Variants in D2HGDH observed in about 807,000 individuals in gnomAD.
D2HGDH encodes the protein D-2-hydroxyglutarate dehydrogenase, mitochondrial.
A neutral mutation model predicts 46.9 loss-of-function variants in D2HGDH; 31 were observed. That is an observed-to-expected ratio of 0.66 (90% CI 0.50 to 0.89). The LOEUF (loss-of-function observed/expected upper bound fraction) is 0.89. Ranked by LOEUF, D2HGDH falls within the 40% of genes least tolerant of loss-of-function variation. The pLI, the probability that D2HGDH is intolerant of heterozygous loss-of-function variation, is 0.00. For missense variants in D2HGDH, 698 were observed against 720.8 expected, an observed-to-expected ratio of 0.97 and a Z score of 0.36; for synonymous variants, 364 against 332.6, an observed-to-expected ratio of 1.09 and a Z score of -1.03.
intron 9 of D2HGDH, among the ~76,000 whole-genome samples, chr2:241,760,448 C>T (rs1484592153): frequency 2.1e-5 from 3 of 143,134 alleles, no homozygotes; most frequent in African/African-American, 5.2e-5. Flanking sequence ...GTGGGCCTTA[C>T]GCAATCAGTT....
chr2:241,735,123 C>A lies in D2HGDH; in HGVS notation c.-92-10C>A, dbSNP rs1013857054. On this transcript the variant is annotated splice_polypyrimidine_tract_variant and intron_variant, in intron 1 of 9. Coordinates refer to ENST00000321264, the MANE Select transcript of D2HGDH (RefSeq NM_152783.5). ...GCATAAAACATGAAATTACCCTTGG[C>A]CACTTCCAGGCGCGCAGCCAGCGGC... 1.4e-4 allele frequency: 183 copies of A among 1,263,836 alleles called. No homozygotes were observed. The highest frequency in any genetic ancestry group is 5.9e-4 in the Admixed American group (18 of 30,498). 78.3% of individuals were successfully genotyped at this position (1,263,836 alleles called of 1,614,324 possible). A position where few individuals can be genotyped will look rare whatever the true frequency, so the allele number is the denominator to read the frequency against.
At chr2:241,737,565 C>G (rs976536384) in intron 2 of D2HGDH, among the ~76,000 whole-genome samples, 1 of 152,206 alleles carries the variant, frequency 6.6e-6, no homozygotes, top group African/African-American at 2.4e-5. Flanking sequence ...TCTCCCCTTA[C>G]TGCAACCTCC....
At chr2:241,740,153 T>G (rs1204186830) in intron 2 of D2HGDH, among the ~76,000 whole-genome samples, 1 of 151,892 alleles carries the variant, frequency 6.6e-6, no homozygotes, top group Admixed American at 6.6e-5. Context: ...TCAAAAGAAA[T>G]AAAAGGAAGT....
At chr2:241,765,273 C>T (rs1447550545) in intron 9 of D2HGDH, among the ~76,000 whole-genome samples, 3 of 151,944 alleles carry the variant, frequency 2.0e-5, no homozygotes, top group Non-Finnish European at 2.9e-5. Context: ...GATGGGAGCC[C>T]CGGGCTGAGG....
At chr2:241,756,080 C>A in intron 9 of D2HGDH, 66 bp downstream of exon 9, 2 of 1,527,802 alleles carry the variant, frequency 1.3e-6, no homozygotes, top group Non-Finnish European at 1.8e-6. Flanking sequence ...TCACCGTCAC[C>A]CTGCCAGGCT....
chr2:241,741,094 AGGT>A lies in D2HGDH; in HGVS notation c.350+10_350+12del, dbSNP rs1694331906. 9 of 1,613,234 alleles carry A rather than the reference AGGT, an allele frequency of 5.6e-6. No homozygotes were observed. The highest frequency in any genetic ancestry group is 7.6e-6 in the Non-Finnish European group (9 of 1,179,784). On this transcript the variant is annotated splice_donor_5th_base_variant and intron_variant, in intron 3 of 9. Coordinates refer to ENST00000321264, the MANE Select transcript of D2HGDH (RefSeq NM_152783.5). ...AGGAGGTGTCCCACATCCTCAGGTG[AGGT>A]GGTGGCTCCCGGCTCCCCCAGCCTT...
chr2:241,741,077 T>A lies in D2HGDH; in HGVS notation c.337T>A (p.Ser113Thr). 1.2e-6 allele frequency: 2 copies of A among 1,613,858 alleles called. No homozygotes were observed. Among genetic ancestry groups the A allele is most frequent in the Non-Finnish European group, 8.5e-7 (1 of 1,179,952 alleles). Residue 113 changes from serine to threonine, a missense_variant, in exon 3 of 10, where the codon TCC becomes ACC. Transcript: ENST00000321264. ...LLRPRTSEEV[S>T]HILRHCHERN... ...GAGGCCACGGACGTCGGAGGAGGTG[T>A]CCCACATCCTCAGGTGAGGTGGTGG...
Position 241,755,922 on chromosome 2 carries a change from C to G in D2HGDH, c.1214C>G (p.Ser405Cys), listed in dbSNP as rs1698116237. ...RDGYVYKYDL[S>C]LPVERLYDIV... is the part of the protein sequence containing the mutation. ...GGCTACGTGTACAAGTACGACCTCT[C>G]CCTCCCTGTGGAGCGGCTCTACGAC... The change falls in exon 9 of 10, where the codon TCC becomes TGC. Residue 405 changes from serine (S) to cysteine (C), a missense_variant. Transcript: ENST00000321264. 2 of 1,612,820 alleles carry G rather than the reference C, an allele frequency of 1.2e-6. No individual in the cohort carries two copies. Among genetic ancestry groups the G allele is most frequent in the East Asian group, 2.2e-5 (1 of 44,868 alleles).
At position 241,760,883 on chromosome 2, in the gene D2HGDH, G is replaced by A. The variant is rs888450717; in HGVS notation, c.1306+4869G>A. Among the ~76,000 whole-genome samples the A allele has an allele frequency of 2.6e-5, 4 of 152,250 alleles. No homozygotes were observed. In the East Asian group the frequency reaches 7.7e-4, roughly 29 times the overall value. On this transcript the variant is annotated intron_variant, in intron 9 of 9. Transcript: ENST00000321264. The stretch of plus-strand genomic sequence containing the variant: ...CACATGAGTCAGTTCATTAAAATCA[G>A]TGTCTGTCATCTCCCTGTGTCTCAG...
At chr2:241,757,287 A>C (rs1055438656) in intron 9 of D2HGDH, among the ~76,000 whole-genome samples, 5 of 152,126 alleles carry the variant, frequency 3.3e-5, no homozygotes, top group African/African-American at 1.2e-4. Flanking sequence ...ATGGATGGTA[A>C]TCTTCTGTGA....
chr2:241,751,112 C>T, intron 7 of D2HGDH, 134 bp from the exon 8 acceptor site: 1 of 1,238,716 alleles, frequency 8.1e-7, no homozygotes, highest in Non-Finnish European at 1.2e-6. Flanking sequence ...GCTGTGTGCT[C>T]CGCAGGCTGC....
At chr2:241,744,977 CCG>C in intron 6 of D2HGDH, 100 bp downstream of exon 6, 2 of 1,501,346 alleles carry the variant, frequency 1.3e-6, no homozygotes, top group Non-Finnish European at 1.8e-6. Context: ...GAGGGACCCC[CCG>C]CCAAGGACAG....
Position 241,755,966 on chromosome 2 carries a change from G to A in D2HGDH, c.1258G>A (p.Ala420Thr), listed in dbSNP as rs149504235. The stretch of plus-strand genomic sequence containing the variant: ...CTACGACATCGTGACTGACCTGCGC[G>A]CCCGCCTCGGCCCGCACGCCAAGCA... ...RLYDIVTDLR[A>T]RLGPHAKHVV... Residue 420 changes from alanine (A) to threonine (T), a missense_variant, in exon 9 of 10, where the codon GCC (alanine) becomes ACC (threonine). Transcript: ENST00000321264. 3.0e-3 allele frequency: 4,735 copies of A among 1,604,926 alleles called. 9 individuals are homozygous for A. Among genetic ancestry groups the A allele is most frequent in the Non-Finnish European group, 3.4e-3 (4,039 of 1,173,486 alleles).
chr2:241,751,465 C>A, intron 8 of D2HGDH, 77 bp downstream of exon 8: 5 of 1,583,530 alleles, frequency 3.2e-6, no homozygotes, highest in South Asian at 2.3e-5. Context: ...CTGGAACGGT[C>A]ATTGGTGCAG....
chr2:241,750,394 C>CCCGG, intron 7 of D2HGDH, 100 bp downstream of exon 7: 1 of 263,590 alleles, frequency 3.8e-6, no homozygotes, highest in East Asian at 2.3e-4. Context: ...GGGGGGTGCC[C>CCCGG]GGGCGGGCGG....
chr2:241,752,054 C>G (rs1401832832), intron 8 of D2HGDH, among the ~76,000 whole-genome samples: 1 of 149,150 alleles, frequency 6.7e-6, no homozygotes, highest in Non-Finnish European at 1.5e-5. Context: ...CCCTCAGTTA[C>G]CTTCACCGGG....
In D2HGDH at chr2:241,755,064, G is replaced by A. The variant is rs1412424850; in HGVS notation, c.1141-785G>A. 5.4e-6 allele frequency: 7 copies of A among 1,302,298 alleles called. No individual in the cohort carries two copies. In the South Asian group the frequency reaches 6.2e-5, roughly 11 times the overall value. 80.7% of individuals were successfully genotyped at this position (1,302,298 alleles called of 1,614,324 possible). On this transcript the variant is annotated intron_variant, in intron 8 of 9. Coordinates refer to ENST00000321264, the MANE Select transcript of D2HGDH (RefSeq NM_152783.5). ...GTGCAGATCTCCACAATGGAAGTTC[G>A]AAGCAAGCAAAAGCCACGCAAACCA...
At position 241,755,983 on chromosome 2, in the gene D2HGDH, C is replaced by T. The variant is rs778298075; in HGVS notation, c.1275C>T (p.His425=). The T allele has an allele frequency of 2.5e-5, 40 of 1,603,346 alleles. No homozygotes were observed. The highest frequency in any genetic ancestry group is 2.9e-5 in the Non-Finnish European group (34 of 1,172,470). Residue 425 remains histidine (H), a synonymous_variant, in exon 9 of 10, where the codon CAC becomes CAT. Coordinates refer to ENST00000321264, the MANE Select transcript of D2HGDH (RefSeq NM_152783.5). ...ACCTGCGCGCCCGCCTCGGCCCGCA[C>T]GCCAAGCACGTGGTGGGCTATGGCC... ...VTDLRARLGP[H]AKHVVGYGHL...
At position 241,757,396 on chromosome 2, in the gene D2HGDH, TGGG is replaced by T. The variant is rs1412669531; in HGVS notation, c.1306+1383_1306+1385del. On this transcript the variant is annotated intron_variant, in intron 9 of 9. Coordinates refer to ENST00000321264, the MANE Select transcript of D2HGDH (RefSeq NM_152783.5). ...ACGGGAGCCCCAGTATTTCAGAATA[TGGG>T]AAGGGGGTAAGGGCATGATGAGTGT... is the stretch of plus-strand genomic sequence containing the variant. 1.0e-4 allele frequency among the ~76,000 whole-genome samples: 13 copies of T among 128,764 alleles called. No homozygotes were observed. In the East Asian group the frequency reaches 1.4e-3, roughly 14 times the overall value. The allele number at this position is 128,764 out of a possible 152,430, so 84.5% of individuals were successfully genotyped here. A position where few individuals can be genotyped will look rare whatever the true frequency, so the allele number is the denominator to read the frequency against.
Sources: gnomAD v4.1 joint callset for allele counts (sites outside exome capture counted in the v4.1 genomes callset) on GRCh38, gnomAD v4.1.1 for gene constraint, MANE v1.5 for transcripts, NCBI Gene and HGNC (gene_info 2026-07-23, HGNC 2026-07-21) for gene names.